TXNDC9: variants seen among roughly 807,000 people sequenced by gnomAD.
TXNDC9 encodes the protein thioredoxin domain containing 9, also known as thioredoxin domain-containing protein 9.
TXNDC9 carries 7 observed loss-of-function variants against 23.0 expected under a neutral mutation model. The ratio of observed to expected loss-of-function variants is 0.30; its 90% CI spans 0.17 to 0.57. The LOEUF is 0.57. TXNDC9 is among the 20% of genes least tolerant of loss of function. The probability of loss-of-function intolerance (pLI) is 0.90; values close to 1 mark genes in which losing one functional copy is unlikely to be tolerated. For synonymous variants in TXNDC9, 72 were observed against 90.6 expected, an observed-to-expected ratio of 0.79 and a Z score of 1.17; for missense variants, 198 against 252.6, an observed-to-expected ratio of 0.78 and a Z score of 1.47.
chr2:99,322,702 AT>A (rs746895752), intron 3 of TXNDC9: 1 of 1,471,294 alleles, frequency 6.8e-7, no homozygotes, highest in Non-Finnish European at 9.0e-7. Flanking sequence ...TACTAATAAT[AT>A]TTAAATAAAT....
the TXNDC9 span, among the ~76,000 whole-genome samples, chr2:99,313,854 CTTTT>C: frequency 6.6e-6 from 1 of 152,254 alleles, no homozygotes; most frequent in East Asian, 1.9e-4. Context: ...ATTTTTCTTT[CTTTT>C]GACCTATTTC....
chr2:99,323,433 T>G (rs1004998951), intron 3 of TXNDC9, among the ~76,000 whole-genome samples: 2 of 151,590 alleles, frequency 1.3e-5, no homozygotes, highest in African/African-American at 2.4e-5. Context: ...GACATCTTCT[T>G]TACATTAAAA....
chr2:99,331,996 T>C (rs920479893), intron 2 of TXNDC9, among the ~76,000 whole-genome samples: 30 of 152,138 alleles, frequency 2.0e-4, no homozygotes, highest in African/African-American at 6.3e-4. Context: ...TCCCAAAGTG[T>C]TGGGATTACA....
chr2:99,329,291 C>G (rs147600569), intron 2 of TXNDC9, among the ~76,000 whole-genome samples: 10 of 152,324 alleles, frequency 6.6e-5, no homozygotes, highest in Non-Finnish European at 1.3e-4. Flanking sequence ...CTGAACACTT[C>G]CAGTTCCTTT....
At chr2:99,326,071 A>AT (rs945345265) in intron 3 of TXNDC9, among the ~76,000 whole-genome samples, 2 of 152,048 alleles carry the variant, frequency 1.3e-5, no homozygotes, top group African/African-American at 4.8e-5. Flanking sequence ...ACATACTAGT[A>AT]TATTTATATA....
At chr2:99,316,860 C>T (rs1004901697), downstream of TXNDC9, among the ~76,000 whole-genome samples, 3 of 152,206 alleles carry the variant, frequency 2.0e-5, no homozygotes, top group Admixed American at 1.3e-4. Context: ...GGGTTCACGC[C>T]ATTCTCCTGC....
chr2:99,328,266 T>G (rs1219212681), intron 2 of TXNDC9, among the ~76,000 whole-genome samples: 3 of 59,268 alleles, frequency 5.1e-5, no homozygotes, highest in African/African-American at 1.3e-4. Context: ...CCTGGCATTT[T>G]TTTTTTTTTT....
At chr2:99,327,383 T>TTAA (rs2094215092) in intron 3 of TXNDC9, 152 bp downstream of exon 3, 1 of 593,118 alleles carries the variant, frequency 1.7e-6, no homozygotes, top group African/African-American at 1.9e-5. Context: ...CCTGCTTAAC[T>TTAA]TAATACTAAA....
chr2:99,309,234 G>T, the TXNDC9 span, among the ~76,000 whole-genome samples: 1 of 151,480 alleles, frequency 6.6e-6, no homozygotes, highest in Non-Finnish European at 1.5e-5. Context: ...TTAGCTGGGC[G>T]TGGTGGCACA....
the TXNDC9 span, among the ~76,000 whole-genome samples, chr2:99,306,469 G>GCAGAGGACGCA: frequency 7.2e-5 from 11 of 151,926 alleles, no homozygotes. Context: ...AAAGAATGGC[G>GCAGAGGACGCA]CTGTGTTTGG....
chr2:99,335,921 C>T (rs1450540157), intron 1 of TXNDC9, among the ~76,000 whole-genome samples: 2 of 152,262 alleles, frequency 1.3e-5, no homozygotes, highest in African/African-American at 4.8e-5. Flanking sequence ...CACAGCGCGT[C>T]CTCAAATTCC....
chr2:99,315,250 A>G (rs1427844623), downstream of TXNDC9, among the ~76,000 whole-genome samples: 1 of 151,554 alleles, frequency 6.6e-6, no homozygotes, highest in Non-Finnish European at 1.5e-5. Flanking sequence ...TATTTTTAGT[A>G]GAGACGGGGT....
At chr2:99,328,739 G>C (rs957539925) in intron 2 of TXNDC9, among the ~76,000 whole-genome samples, 2 of 152,072 alleles carry the variant, frequency 1.3e-5, no homozygotes, top group Non-Finnish European at 2.9e-5. Context: ...ACCTTGGGAG[G>C]CTGAGGCGGC....
Position 99,322,171 on chromosome 2 carries a change from T to C in TXNDC9, c.347A>G (p.Lys116Arg), listed in dbSNP as rs941096558. Residue 116 changes from lysine (K) to arginine (R), a missense_variant, in exon 4 of 5, where the codon AAG (lysine) becomes AGG (arginine). Physicochemically the swap from Lys to Arg is conservative, Grantham distance 26. Coordinates refer to ENST00000264255, the MANE Select transcript of TXNDC9 (RefSeq NM_005783.4). Reference protein sequence around the residue: ...ILDRHLAILSKKHLETKFLKL... With the variant: ...ILDRHLAILSRKHLETKFLKL... ...CAAAAATTTGGTCTCGAGGTGTTTC[T>C]TGGACAATATTGCCAGATGTCTGTC... 1 of 1,614,174 alleles carries C rather than the reference T, an allele frequency of 6.2e-7. No homozygotes were observed. The highest frequency in any genetic ancestry group is 8.5e-7 in the Non-Finnish European group (1 of 1,180,014).
chr2:99,311,598 A>G, the TXNDC9 span, among the ~76,000 whole-genome samples: 1 of 151,908 alleles, frequency 6.6e-6, no homozygotes, highest in Non-Finnish European at 1.5e-5. Flanking sequence ...CCCAGCCCTC[A>G]GGCTGGTCTT....
chr2:99,319,785 T>C lies in TXNDC9; in HGVS notation c.578A>G (p.Glu193Gly). The C allele has an allele frequency of 6.4e-7, 1 of 1,574,026 alleles. No individual in the cohort carries two copies. Among genetic ancestry groups the C allele is most frequent in the Non-Finnish European group, 8.6e-7 (1 of 1,165,320 alleles). ...TTTCTTTTGGTTCTGAAATGGTGGC[T>C]CCATTAAATTTCCACTTAAAAAAAA... ...DILNYSGNLMEPPFQNQKKFG... is the reference protein window; with the variant it reads ...DILNYSGNLMGPPFQNQKKFG... Residue 193 changes from glutamate to glycine, a missense_variant, in exon 5 of 5, where the codon GAG becomes GGG. Glu to Gly is a moderately conservative substitution (Grantham distance 98). Coordinates refer to ENST00000264255, the MANE Select transcript of TXNDC9 (RefSeq NM_005783.4).
At chr2:99,311,778 T>A in the TXNDC9 span, among the ~76,000 whole-genome samples, 1 of 152,266 alleles carries the variant, frequency 6.6e-6, no homozygotes, top group Non-Finnish European at 1.5e-5. Flanking sequence ...GATTTTTGTC[T>A]TTATGATCAG....
At position 99,327,602 on chromosome 2, in the gene TXNDC9, C is replaced by A; in HGVS notation, c.241G>T (p.Asp81Tyr). 1 of 1,613,760 alleles carries A rather than the reference C, an allele frequency of 6.2e-7. No individual in the cohort carries two copies. Among genetic ancestry groups the A allele is most frequent in the Non-Finnish European group, 8.5e-7 (1 of 1,179,884 alleles). Residue 81 changes from aspartate (D) to tyrosine (Y), a missense_variant, in exon 3 of 5, where the codon GAC becomes TAC. Physicochemically the swap from Asp to Tyr is radical, Grantham distance 160. Coordinates refer to ENST00000264255, the MANE Select transcript of TXNDC9 (RefSeq NM_005783.4). Reference protein sequence around the residue: ...GEYREIPSERDFFQEVKESEN... With the variant: ...GEYREIPSERYFFQEVKESEN... ...CTCTCCTTGACTTCTTGAAAAAAGT[C>A]TCTTTCACTAGGGATTTCTCTGTAT... is the stretch of plus-strand genomic sequence containing the variant.
intron 3 of TXNDC9, chr2:99,322,410 A>G: frequency 8.2e-7 from 1 of 1,218,730 alleles, no homozygotes; most frequent in South Asian, 1.8e-5. Context: ...AACAGCCTAT[A>G]AGATTCTAGA....
Sources: gnomAD v4.1 joint callset for allele counts (sites outside exome capture counted in the v4.1 genomes callset) on GRCh38, gnomAD v4.1.1 for gene constraint, MANE v1.5 for transcripts, NCBI Gene and HGNC (gene_info 2026-07-23, HGNC 2026-07-21) for gene names.